Variants in PREX2 observed in about 807,000 individuals in gnomAD.
PREX2 encodes phosphatidylinositol 3,4,5-trisphosphate-dependent Rac exchanger 2 protein.
PREX2 carries 107 observed loss-of-function variants against 203.2 expected under a neutral mutation model. That is an observed-to-expected ratio of 0.53 (90% CI 0.45 to 0.62). The LOEUF (loss-of-function observed/expected upper bound fraction) is 0.62, where lower values mean the gene tolerates loss of function less well. Among genes scored for constraint, PREX2 ranks in the 20% least tolerant of loss-of-function variants. The probability of loss-of-function intolerance (pLI) is 0.00; values close to 1 mark genes in which losing one functional copy is unlikely to be tolerated. For missense variants in PREX2, 1,777 were observed against 1,955.9 expected (o/e 0.91, Z 1.72); for synonymous variants, 672 against 663.6 (o/e 1.01, Z -0.19).
rs2129611984 is a variant in PREX2, at chr8:68,083,304, C to T, written c.1943C>T (p.Pro648Leu). Residue 648 changes from proline to leucine, a missense_variant, in exon 18 of 40, where the codon CCT (proline) becomes CTT (leucine). Coordinates refer to ENST00000288368, the MANE Select transcript of PREX2 (RefSeq NM_024870.4). ...AINGDLVFMR[P>L]FNEVDCFLKS... is the part of the protein sequence containing the mutation. Reference sequence around the variant, plus strand: ...AATGGTGACCTAGTTTTTATGAGACCTTTCAATGAAGTGGATTGCTTCCTG... The same window carrying T: ...AATGGTGACCTAGTTTTTATGAGACTTTTCAATGAAGTGGATTGCTTCCTG... 6.2e-7 allele frequency: 1 copy of T among 1,609,940 alleles called. No individual in the cohort carries two copies. The highest frequency in any genetic ancestry group is 8.5e-7 in the Non-Finnish European group (1 of 1,177,084).
At chr8:67,972,705 T>A (rs1490405859) in intron 1 of PREX2, among the ~76,000 whole-genome samples, 1 of 152,148 alleles carries the variant, frequency 6.6e-6, no homozygotes, top group Non-Finnish European at 1.5e-5. Flanking sequence ...ACTTTTTTTC[T>A]AACTTTCATT....
At chr8:68,044,727 A>T in intron 8 of PREX2, 137 bp downstream of exon 8, 1 of 646,556 alleles carries the variant, frequency 1.5e-6, no homozygotes, top group Non-Finnish European at 2.7e-6. Context: ...GTGGTTGGGT[A>T]GAGAAAAGAG....
chr8:68,019,208 C>T (rs1366804726), intron 2 of PREX2, among the ~76,000 whole-genome samples: 1 of 152,236 alleles, frequency 6.6e-6, no homozygotes, highest in Non-Finnish European at 1.5e-5. Context: ...GAGGACTGTC[C>T]GTTCTGGTAT....
chr8:68,081,977 A>G (rs903509585), intron 17 of PREX2, among the ~76,000 whole-genome samples: 1 of 151,962 alleles, frequency 6.6e-6, no homozygotes, highest in African/African-American at 2.4e-5. Flanking sequence ...GATTACAGGC[A>G]TGAGACACTG....
chr8:68,095,676 T>A (rs951342678), intron 21 of PREX2, among the ~76,000 whole-genome samples: 3 of 150,410 alleles, frequency 2.0e-5, no homozygotes, highest in Admixed American at 1.3e-4. Flanking sequence ...TCACCCAGGC[T>A]AGAGTGCGGT....
chr8:68,058,735 C>G (rs1002394407), intron 10 of PREX2, among the ~76,000 whole-genome samples: 1 of 152,038 alleles, frequency 6.6e-6, no homozygotes, highest in Admixed American at 6.5e-5. Flanking sequence ...TTGCCCGGCC[C>G]GACATTCTTA....
At chr8:68,212,990 C>CT (rs1812769546) in intron 37 of PREX2, among the ~76,000 whole-genome samples, 1 of 152,142 alleles carries the variant, frequency 6.6e-6, no homozygotes, top group East Asian at 1.9e-4. Flanking sequence ...TCCTGGGGGC[C>CT]TCAGGATATG....
chr8:68,226,907 G>T (rs559394472), intron 39 of PREX2, among the ~76,000 whole-genome samples: 1 of 152,306 alleles, frequency 6.6e-6, no homozygotes, highest in African/African-American at 2.4e-5. Context: ...TCCCATACTG[G>T]GGATGCAATA....
At chr8:68,194,809 A>C (rs1585857177) in intron 37 of PREX2, among the ~76,000 whole-genome samples, 1 of 152,092 alleles carries the variant, frequency 6.6e-6, no homozygotes, top group Non-Finnish European at 1.5e-5. Flanking sequence ...TCAAAAAAAA[A>C]AAAAATATGA....
At chr8:67,974,819 G>A (rs1167844795) in intron 1 of PREX2, among the ~76,000 whole-genome samples, 3 of 152,050 alleles carry the variant, frequency 2.0e-5, no homozygotes, top group Non-Finnish European at 4.4e-5. Context: ...TTATTGCTTT[G>A]GTCTCTTGCA....
chr8:68,067,569 C>T (rs2129611516), intron 11 of PREX2, among the ~76,000 whole-genome samples: 1 of 152,012 alleles, frequency 6.6e-6, no homozygotes, highest in African/African-American at 2.4e-5. Flanking sequence ...GGAGACACTA[C>T]TGATTTTTTT....
intron 35 of PREX2, among the ~76,000 whole-genome samples, chr8:68,186,735 A>G (rs941912601): frequency 1.3e-5 from 2 of 152,100 alleles, no homozygotes; most frequent in Non-Finnish European, 2.9e-5. Flanking sequence ...GTTGGTTTCA[A>G]ACTCCTGACC....
chr8:68,017,118 A>T (rs1456533441), intron 1 of PREX2, among the ~76,000 whole-genome samples: 1 of 151,848 alleles, frequency 6.6e-6, no homozygotes, highest in East Asian at 1.9e-4. Flanking sequence ...AAATTATTCT[A>T]CTCTTTTTTA....
rs1017991240 is a variant in PREX2 at position 68,125,843 on chromosome 8, C to G, written c.3725-1535C>G. Among the ~76,000 whole-genome samples the G allele has an allele frequency of 5.3e-5, 8 of 151,930 alleles. 1 individual carries two copies. Among genetic ancestry groups the G allele is most frequent in the African/African-American group, 1.9e-4 (8 of 41,386 alleles). On this transcript the variant is annotated intron_variant, in intron 30 of 39. Transcript: ENST00000288368. ...TCTAAAGAGTGTCTCTTCAGTTTTT[C>G]CCTTTTTCATCACACTTCAGTAATT...
intron 34 of PREX2, among the ~76,000 whole-genome samples, chr8:68,151,296 A>G (rs1019994907): frequency 1.3e-5 from 2 of 151,996 alleles, no homozygotes; most frequent in East Asian, 1.9e-4. Flanking sequence ...ACACACCTGT[A>G]GTCCTACGTA....
At chr8:68,058,591 A>G (rs909748968) in intron 10 of PREX2, among the ~76,000 whole-genome samples, 23 of 141,742 alleles carry the variant, frequency 1.6e-4, no homozygotes, top group African/African-American at 5.6e-4. Context: ...ATGCCACCAC[A>G]CCCGGCTGAT....
At chr8:68,227,093 G>A (rs955145485) in intron 39 of PREX2, among the ~76,000 whole-genome samples, 6 of 152,142 alleles carry the variant, frequency 3.9e-5, no homozygotes, top group African/African-American at 7.2e-5. Flanking sequence ...AGACAATAGG[G>A]AGGCATGCAT....
chr8:68,114,124 A>C (rs1459391714), intron 25 of PREX2, among the ~76,000 whole-genome samples: 1 of 152,124 alleles, frequency 6.6e-6, no homozygotes, highest in African/African-American at 2.4e-5. Flanking sequence ...GGCCTCCCAA[A>C]GCGCTGGGAT....
chr8:68,138,388 T>C, intron 32 of PREX2, 27 bp from the exon 33 acceptor site: 2 of 1,194,108 alleles, frequency 1.7e-6, no homozygotes, highest in Non-Finnish European at 2.4e-6. Flanking sequence ...TCATCTTGTA[T>C]TATATATTGT....
Sources: gnomAD v4.1 joint callset for allele counts (sites outside exome capture counted in the v4.1 genomes callset) on GRCh38, gnomAD v4.1.1 for gene constraint, MANE v1.5 for transcripts, NCBI Gene and HGNC (gene_info 2026-07-23, HGNC 2026-07-21) for gene names.